MGST1: variants seen among roughly 807,000 people sequenced by gnomAD.
MGST1 encodes the protein microsomal glutathione S-transferase 1.
In MGST1, 5 loss-of-function variants were observed where a neutral mutation model predicts 8.9. The ratio of observed to expected loss-of-function variants is 0.56; its 90% CI spans 0.29 to 1.19. MGST1 has a LOEUF of 1.19. Among genes scored for constraint, MGST1 ranks in the 50% most tolerant of loss-of-function variants. The probability of loss-of-function intolerance (pLI) is 0.08; values close to 1 mark genes in which losing one functional copy is unlikely to be tolerated. For synonymous variants in MGST1, 54 were observed against 67.8 expected, an observed-to-expected ratio of 0.80 and a Z score of 1.00; for missense variants, 182 against 187.4, an observed-to-expected ratio of 0.97 and a Z score of 0.17.
At position 16,575,585 on chromosome 12, in the gene MGST1, T is replaced by C. The variant is rs113364635; in HGVS notation, n.483-13943T>C. ...CCTCAGGACAACTGAATGAGGCAGGTTTATTCATCCATTTTATGGATGAGG... is the reference window on the plus strand; with the variant it reads ...CCTCAGGACAACTGAATGAGGCAGGCTTATTCATCCATTTTATGGATGAGG... On this transcript the variant is annotated intron_variant and non_coding_transcript_variant, in intron 4 of 4. Transcript: ENST00000538857. Among the ~76,000 whole-genome samples, 952 of 152,186 alleles carry C rather than the reference T, an allele frequency of 6.3e-3. 4 individuals carry two copies. Among genetic ancestry groups the C allele is most frequent in the Non-Finnish European group, 0.01 (694 of 67,986 alleles).
intron 1 of MGST1, among the ~76,000 whole-genome samples, chr12:16,430,999 C>G (rs1340885644): frequency 6.6e-6 from 1 of 152,230 alleles, no homozygotes; most frequent in African/African-American, 2.4e-5. Context: ...TTCTACATAA[C>G]TTGCCGAAGC....
chr12:16,402,387 G>C, intron 1 of MGST1: 3 of 1,604,580 alleles, frequency 1.9e-6, no homozygotes, highest in Non-Finnish European at 2.6e-6. Context: ...TTCACTCACC[G>C]ATAATAAGCG....
At chr12:16,530,205 G>C (rs1424800470) in intron 4 of MGST1, among the ~76,000 whole-genome samples, 1 of 152,038 alleles carries the variant, frequency 6.6e-6, no homozygotes, top group East Asian at 1.9e-4. Flanking sequence ...AATATTTTAT[G>C]GCCAAGGCAC....
intron 4 of MGST1, among the ~76,000 whole-genome samples, chr12:16,494,103 T>G (rs1941455797): frequency 6.6e-6 from 1 of 152,130 alleles, no homozygotes. Context: ...GCTAATGGCA[T>G]AAAAGCGGTA....
chr12:16,474,242 C>T (rs1221083111), intron 4 of MGST1, among the ~76,000 whole-genome samples: 1 of 152,106 alleles, frequency 6.6e-6, no homozygotes, highest in Admixed American at 6.5e-5. Context: ...TACCCAATAG[C>T]AAGAAGGCAA....
chr12:16,505,719 C>A (rs184960785), intron 4 of MGST1, among the ~76,000 whole-genome samples: 3 of 152,298 alleles, frequency 2.0e-5, no homozygotes, highest in Admixed American at 6.5e-5. Context: ...ATACTGTCAA[C>A]GACTCTGTGA....
intron 4 of MGST1, among the ~76,000 whole-genome samples, chr12:16,517,000 T>C (rs969003505): frequency 6.6e-6 from 1 of 152,216 alleles, no homozygotes; most frequent in Non-Finnish European, 1.5e-5. Flanking sequence ...TCTACATTTT[T>C]CTTATCCCAG....
rs1387398047 is a variant in MGST1 at position 16,497,999 on chromosome 12, A to G, written n.483-91529A>G. Among the ~76,000 whole-genome samples the G allele has an allele frequency of 1.3e-5, 2 of 152,164 alleles. No individual in the cohort carries two copies. Among genetic ancestry groups the G allele is most frequent in the Non-Finnish European group, 2.9e-5 (2 of 68,014 alleles). ...AATAATATACATCTGCGAATGTCAC[A>G]TTCCTTAAAGCAAAGTCATCACATA... On this transcript the variant is annotated intron_variant and non_coding_transcript_variant, in intron 4 of 4. Coordinates refer to the MGST1 transcript ENST00000538857. This position sits in a 1 kb window ranked among gnomAD's most constrained non-coding sequence, Gnocchi z 4.4.
chr12:16,405,873 TAAA>T (rs987145149), intron 1 of MGST1, among the ~76,000 whole-genome samples: 4 of 152,166 alleles, frequency 2.6e-5, no homozygotes, highest in African/African-American at 4.8e-5. Context: ...CGCTTCATAT[TAAA>T]AACTCTTAAA....
chr12:16,359,237 C>T (rs950229292), intron 3 of MGST1, among the ~76,000 whole-genome samples: 10 of 152,158 alleles, frequency 6.6e-5, no homozygotes, highest in East Asian at 5.8e-4. Context: ...ACCTCCTTCA[C>T]GCAAGCAATG....
chr12:16,402,629 G>A (rs937570702), intron 1 of MGST1, among the ~76,000 whole-genome samples: 2 of 151,980 alleles, frequency 1.3e-5, no homozygotes, highest in Non-Finnish European at 1.5e-5. Flanking sequence ...TGAGTTTTAT[G>A]TATCACTTTG....
intron 4 of MGST1, among the ~76,000 whole-genome samples, chr12:16,457,467 G>A (rs1941183280): frequency 6.6e-6 from 1 of 151,838 alleles, no homozygotes; most frequent in Non-Finnish European, 1.5e-5. Flanking sequence ...GTAAAGATGG[G>A]ATTATTACTC....
intron 4 of MGST1, among the ~76,000 whole-genome samples, chr12:16,461,190 A>AG (rs1237615297): frequency 2.0e-5 from 3 of 151,582 alleles, no homozygotes; most frequent in Admixed American, 1.3e-4. Flanking sequence ...GAAAAAAAAA[A>AG]AAAGCACATC....
At chr12:16,414,313 A>T (rs1940766662) in intron 1 of MGST1, among the ~76,000 whole-genome samples, 1 of 147,826 alleles carries the variant, frequency 6.8e-6, no homozygotes, top group Non-Finnish European at 1.5e-5. Flanking sequence ...CAAACTACTG[A>T]CCAGACTTGA....
chr12:16,567,075 A>G (rs1301531433), intron 4 of MGST1, among the ~76,000 whole-genome samples: 1 of 152,158 alleles, frequency 6.6e-6, no homozygotes, highest in African/African-American at 2.4e-5. Context: ...AGGCGCCTGT[A>G]TTTCCAGCTA....
At position 16,582,599 on chromosome 12, in the gene MGST1, G is replaced by A. The variant is rs1403775936; in HGVS notation, n.483-6929G>A. On this transcript the variant is annotated intron_variant and non_coding_transcript_variant, in intron 4 of 4. Coordinates refer to the MGST1 transcript ENST00000538857. The surrounding 1 kb of genome is among the most constrained non-coding windows in gnomAD (Gnocchi z 4.1). ...CTTGTTGGAGAGTAATGGGCTACGG[G>A]TAGAGATTGAGCCATCACAATAAGA... is the stretch of plus-strand genomic sequence containing the variant. Among the ~76,000 whole-genome samples the A allele has an allele frequency of 3.9e-5, 6 of 152,168 alleles. No homozygotes were observed. The East Asian group carries it at 9.6e-4, about 24-fold the overall frequency.
intron 1 of MGST1, chr12:16,400,175 C>T (rs1036472873): frequency 1.1e-5 from 13 of 1,184,450 alleles, no homozygotes; most frequent in African/African-American, 1.5e-5. Context: ...TGATGTTTCC[C>T]TAAGTCCGTG....
At position 16,584,867 on chromosome 12, in the gene MGST1, T is replaced by A. The variant is rs1205888516; in HGVS notation, n.483-4661T>A. Reference sequence around the variant, plus strand: ...AGGGCTCTGATCCTCTCTTCAAGAATTCAGGATGCGAGGAAATATTTTCAA... The same window carrying A: ...AGGGCTCTGATCCTCTCTTCAAGAAATCAGGATGCGAGGAAATATTTTCAA... On this transcript the variant is annotated intron_variant and non_coding_transcript_variant, in intron 4 of 4. Transcript: ENST00000538857. This position sits in a 1 kb window ranked among gnomAD's most constrained non-coding sequence, Gnocchi z 5.2. 1.3e-5 allele frequency among the ~76,000 whole-genome samples: 2 copies of A among 152,154 alleles called. No homozygotes were observed. The highest frequency in any genetic ancestry group is 3.9e-4 in the East Asian group (2 of 5,184).
intron 1 of MGST1, among the ~76,000 whole-genome samples, chr12:16,434,630 C>T (rs571776996): frequency 3.3e-5 from 5 of 152,130 alleles, no homozygotes; most frequent in Admixed American, 2.6e-4. Flanking sequence ...TCTTCTCCCC[C>T]TCCTTTGCTC....
Sources: gnomAD v4.1 joint callset for allele counts (sites outside exome capture counted in the v4.1 genomes callset) on GRCh38, gnomAD v4.1.1 for gene constraint, Gnocchi (gnomAD v3.1) non-coding constraint, MANE v1.5 for transcripts, NCBI Gene and HGNC (gene_info 2026-07-23, HGNC 2026-07-21) for gene names.